Variants in TNPO3 observed in about 807,000 individuals in gnomAD.
TNPO3 encodes transportin-3.
In TNPO3, 65 loss-of-function variants were observed where a neutral mutation model predicts 122.8. The ratio of observed to expected loss-of-function variants is 0.53; its 90% confidence interval spans 0.43 to 0.65. The LOEUF is 0.65. Among genes scored for constraint, TNPO3 ranks in the 30% least tolerant of loss-of-function variants. The pLI is 0.00. For synonymous variants in TNPO3, 372 were observed against 411.2 expected, an observed-to-expected ratio of 0.90 and a Z score of 1.15; for missense variants, 850 against 1,136.7, an observed-to-expected ratio of 0.75 and a Z score of 3.63.
intron 21 of TNPO3, among the ~76,000 whole-genome samples, chr7:128,959,551 T>G (rs776983193): frequency 2.0e-5 from 3 of 152,160 alleles, no homozygotes; most frequent in Non-Finnish European, 4.4e-5. Context: ...AGAAAAAGTA[T>G]TGAAACTGAA....
At position 128,973,212 on chromosome 7, in the gene TNPO3, T is replaced by C. The variant is rs1471885399; in HGVS notation, c.2274-630A>G. 2.6e-5 allele frequency among the ~76,000 whole-genome samples: 4 copies of C among 152,254 alleles called. No homozygotes were observed. The East Asian group carries it at 7.7e-4, about 29-fold the overall frequency. On this transcript the variant is annotated intron_variant, in intron 18 of 22. Coordinates refer to ENST00000265388, the MANE Select transcript of TNPO3 (RefSeq NM_012470.4). ...CCAGTTCCCAGGATGTCAACAGGAA[T>C]CCCTCAAAGAAAAGGTTGTGTGTTC... is the stretch of plus-strand genomic sequence containing the variant.
intron 1 of TNPO3, among the ~76,000 whole-genome samples, chr7:129,046,780 G>C (rs192043957): frequency 6.6e-6 from 1 of 152,174 alleles, no homozygotes; most frequent in Non-Finnish European, 1.5e-5. Flanking sequence ...AGAGCAAAGC[G>C]ACGTCTTACA....
intron 4 of TNPO3, among the ~76,000 whole-genome samples, chr7:129,012,003 CTTTTTTTTTT>C (rs1174882837): frequency 7.6e-6 from 1 of 131,708 alleles, no homozygotes; most frequent in African/African-American, 2.9e-5. Context: ...CTTTTTCTTT[CTTTTTTTTTT>C]TTTTTTTTTT....
intron 9 of TNPO3, among the ~76,000 whole-genome samples, chr7:128,993,530 T>C (rs753849679): frequency 4.9e-4 from 74 of 152,334 alleles, no homozygotes; most frequent in Middle Eastern, 3.4e-3. Flanking sequence ...TTAATGCTTA[T>C]CTATGATCTT....
At chr7:129,021,290 G>A (rs1804478992) in intron 1 of TNPO3, among the ~76,000 whole-genome samples, 1 of 151,648 alleles carries the variant, frequency 6.6e-6, no homozygotes, top group Non-Finnish European at 1.5e-5. Flanking sequence ...GGGAGACGGT[G>A]GTTGCAGTGA....
rs565646861 is a variant in TNPO3, at chr7:129,008,110, T to C, written c.553-2951A>G. 1.3e-4 allele frequency among the ~76,000 whole-genome samples: 20 copies of C among 149,846 alleles called. No homozygotes were observed. The East Asian group carries it at 2.6e-3, about 19-fold the overall frequency. On this transcript the variant is annotated intron_variant, in intron 4 of 22. Coordinates refer to ENST00000265388, the MANE Select transcript of TNPO3 (RefSeq NM_012470.4). Reference sequence around the variant, plus strand: ...GTTGCAGTGAGCTGAGATTGCGCCATGGTACTCCAGCCTGGGCGACAGAGC... The same window carrying C: ...GTTGCAGTGAGCTGAGATTGCGCCACGGTACTCCAGCCTGGGCGACAGAGC...
At chr7:128,965,371 C>T (rs930325613) in intron 21 of TNPO3, among the ~76,000 whole-genome samples, 1 of 152,012 alleles carries the variant, frequency 6.6e-6, no homozygotes, top group South Asian at 2.1e-4. Flanking sequence ...CAAATGAAAA[C>T]GGCAATGAGA....
At chr7:129,003,039 C>CAAAAAAAAAAAAA (rs56226072) in intron 5 of TNPO3, among the ~76,000 whole-genome samples, 4 of 53,282 alleles carry the variant, frequency 7.5e-5, no homozygotes, top group African/African-American at 2.3e-4. Context: ...GACTCCCTCT[C>CAAAAAAAAAAAAA]AAAAAAAAAA....
intron 1 of TNPO3, among the ~76,000 whole-genome samples, chr7:129,021,354 C>CAAAAA (rs577989041): frequency 7.5e-5 from 5 of 66,710 alleles, no homozygotes; most frequent in Non-Finnish European, 1.5e-4. Flanking sequence ...GACTCCGTCT[C>CAAAAA]AAAAAAAAAA....
intron 1 of TNPO3, chr7:129,028,967 G>T: frequency 2.3e-6 from 1 of 442,176 alleles, no homozygotes; most frequent in South Asian, 1.7e-5. Context: ...GGACATTCTG[G>T]ACCAAAAAAT....
intron 21 of TNPO3, among the ~76,000 whole-genome samples, chr7:128,965,242 A>C (rs991485751): frequency 3.3e-5 from 5 of 152,356 alleles, no homozygotes; most frequent in African/African-American, 7.2e-5. Flanking sequence ...CTATACAACA[A>C]AAGAAACCCA....
chr7:129,018,419 T>C (rs1804083749), intron 1 of TNPO3, among the ~76,000 whole-genome samples: 1 of 152,186 alleles, frequency 6.6e-6, no homozygotes, highest in East Asian at 1.9e-4. Flanking sequence ...TCTTGTTGAT[T>C]TGAATGACTG....
intron 12 of TNPO3, among the ~76,000 whole-genome samples, chr7:128,985,537 A>T (rs1195876195): frequency 6.6e-6 from 1 of 152,242 alleles, no homozygotes; most frequent in African/African-American, 2.4e-5. Flanking sequence ...TCAAGGTTAC[A>T]GTGAGCTATG....
chr7:129,011,345 T>G (rs1215793569), intron 4 of TNPO3, among the ~76,000 whole-genome samples: 1 of 152,206 alleles, frequency 6.6e-6, no homozygotes, highest in Non-Finnish European at 1.5e-5. Flanking sequence ...TATCTTTTTT[T>G]GTTTTTTCTT....
At position 128,975,969 on chromosome 7, in the gene TNPO3, C is replaced by T. The variant is rs75544053; in HGVS notation, c.2062-34G>A. The T allele has an allele frequency of 4.6e-3, 6,789 of 1,466,524 alleles. 25 individuals carry two copies. Among genetic ancestry groups the T allele is most frequent in the Non-Finnish European group, 5.1e-3 (5,375 of 1,047,406 alleles). The allele number at this position is 1,466,524 out of a possible 1,614,324, so 90.8% of individuals were successfully genotyped here. On this transcript the variant is annotated intron_variant, in intron 16 of 22. Transcript: ENST00000265388. ...GGAAAAAACAATTAGTTCAATGCTTCGTCCTTCAAAAAGTACCAACTTACG... is the reference window on the plus strand; with the variant it reads ...GGAAAAAACAATTAGTTCAATGCTTTGTCCTTCAAAAAGTACCAACTTACG...
chr7:128,988,960 C>T (rs1229247346), intron 11 of TNPO3, among the ~76,000 whole-genome samples: 3 of 152,026 alleles, frequency 2.0e-5, no homozygotes, highest in Non-Finnish European at 4.4e-5. Context: ...ACTTGTAATC[C>T]CAGCTACTTG....
intron 8 of TNPO3, among the ~76,000 whole-genome samples, chr7:128,995,945 C>T (rs913284011): frequency 3.3e-5 from 5 of 152,144 alleles, no homozygotes; most frequent in African/African-American, 1.2e-4. Flanking sequence ...GTGATCCACC[C>T]GCCTCGGCCT....
intron 1 of TNPO3, among the ~76,000 whole-genome samples, chr7:129,043,073 T>C (rs1807584778): frequency 6.6e-6 from 1 of 151,970 alleles, no homozygotes. Flanking sequence ...GTATTTTCCT[T>C]AGGAGGAAAG....
intron 1 of TNPO3, among the ~76,000 whole-genome samples, chr7:129,037,482 G>T (rs1317245433): frequency 6.6e-6 from 1 of 152,020 alleles, no homozygotes; most frequent in East Asian, 1.9e-4. Flanking sequence ...GCTGCATGTG[G>T]GCTAGGATGA....
Sources: gnomAD v4.1 joint callset for allele counts (sites outside exome capture counted in the v4.1 genomes callset) on GRCh38, gnomAD v4.1.1 for gene constraint, MANE v1.5 for transcripts, NCBI Gene and HGNC (gene_info 2026-07-23, HGNC 2026-07-21) for gene names.